The following TRUB1 variants were observed in gnomAD, a reference collection of about 807,000 sequenced individuals.
The protein encoded by TRUB1 is pseudouridylate synthase TRUB1.
A neutral mutation model predicts 33.9 loss-of-function variants in TRUB1; 23 were observed. The ratio of observed to expected loss-of-function variants is 0.68; its 90% CI spans 0.49 to 0.96. The LOEUF (loss-of-function observed/expected upper bound fraction) is 0.96. Ranked by LOEUF, TRUB1 falls within the 40% of genes least tolerant of loss-of-function variation. The probability of loss-of-function intolerance (pLI) is 0.00; values close to 1 mark genes in which losing one functional copy is unlikely to be tolerated. For missense variants in TRUB1, 378 were observed against 422.2 expected (o/e 0.90, Z 0.92); for synonymous variants, 163 against 165.4 (o/e 0.99, Z 0.11).
intron 1 of TRUB1, among the ~76,000 whole-genome samples, chr10:114,942,064 G>A (rs1238691690): frequency 6.6e-6 from 1 of 152,150 alleles, no homozygotes; most frequent in Non-Finnish European, 1.5e-5. Flanking sequence ...GATTACAGGT[G>A]TGAGCCACAG....
At chr10:114,939,498 T>A (rs552208567) in intron 1 of TRUB1, among the ~76,000 whole-genome samples, 2 of 152,276 alleles carry the variant, frequency 1.3e-5, no homozygotes, top group East Asian at 3.9e-4. Context: ...ACAGGGACTT[T>A]CTTACATTGT....
At chr10:114,964,681 C>T (rs1372106865) in intron 4 of TRUB1, among the ~76,000 whole-genome samples, 2 of 152,100 alleles carry the variant, frequency 1.3e-5, no homozygotes, top group African/African-American at 4.8e-5. Context: ...CTCTGCAATC[C>T]ACCTTTTCTT....
intron 2 of TRUB1, among the ~76,000 whole-genome samples, chr10:114,948,901 T>C (rs1433283239): frequency 1.3e-5 from 2 of 152,218 alleles, no homozygotes; most frequent in Non-Finnish European, 2.9e-5. Flanking sequence ...TATTTTCTTT[T>C]TTAGAACATG....
intron 2 of TRUB1, among the ~76,000 whole-genome samples, chr10:114,949,831 A>G (rs937331051): frequency 6.6e-6 from 1 of 151,938 alleles, no homozygotes; most frequent in Non-Finnish European, 1.5e-5. Flanking sequence ...ATGCTGGACA[A>G]AGTTCTTAGT....
intron 2 of TRUB1, 131 bp from the exon 3 acceptor site, chr10:114,950,963 A>G (rs1020101380): frequency 1.6e-5 from 11 of 669,088 alleles, no homozygotes; most frequent in Non-Finnish European, 2.5e-5. Flanking sequence ...GAGCCCTAAC[A>G]TTTTGCTAAA....
intron 3 of TRUB1, among the ~76,000 whole-genome samples, 193 bp from the exon 4 acceptor site, chr10:114,959,533 C>T (rs1196336819): frequency 1.3e-5 from 2 of 152,178 alleles, no homozygotes; most frequent in Non-Finnish European, 2.9e-5. Context: ...TAGTGTGAGA[C>T]GTTTGTTAAT....
At chr10:114,940,685 A>G (rs1010812317) in intron 1 of TRUB1, among the ~76,000 whole-genome samples, 7 of 152,224 alleles carry the variant, frequency 4.6e-5, no homozygotes, top group African/African-American at 1.7e-4. Context: ...TACGTCTGCA[A>G]GTTAGAAGGA....
chr10:114,959,861 G>T, intron 4 of TRUB1, 54 bp downstream of exon 4: 1 of 1,080,406 alleles, frequency 9.3e-7, no homozygotes, highest in East Asian at 2.4e-5. Context: ...AAAAGTTTCT[G>T]TGCAGGTAGC....
In TRUB1 at chr10:114,951,835, A is replaced by ACTAAG. The variant is rs2084236874; in HGVS notation, c.441+686_441+687insCTAAG. 2.0e-5 allele frequency among the ~76,000 whole-genome samples: 3 copies of ACTAAG among 152,214 alleles called. No individual in the cohort carries two copies. In the East Asian group the frequency reaches 5.8e-4, roughly 29 times the overall value. On this transcript the variant is annotated intron_variant, in intron 3 of 7. Transcript: ENST00000298746. The stretch of plus-strand genomic sequence containing the variant: ...TGAAAATGCACGTGGAAGGAAGCTT[A>ACTAAG]GTATGCCAAGAGGTAGCGAAAAATT...
At chr10:114,942,861 C>T in intron 2 of TRUB1, 118 bp downstream of exon 2, 1 of 689,258 alleles carries the variant, frequency 1.5e-6, no homozygotes, top group East Asian at 2.7e-5. Flanking sequence ...TGGAATGTTT[C>T]AGATCTACTG....
At position 114,959,770 on chromosome 10, in the gene TRUB1, A is replaced by G; in HGVS notation, c.486A>G (p.Leu162=). Residue 162 remains leucine, a synonymous_variant, in exon 4 of 8, where the codon CTA becomes CTG. Transcript: ENST00000298746. ...IGELGKATDT[L]DSTGRVTEEK... The stretch of plus-strand genomic sequence containing the variant: ...AACTGGGGAAAGCTACTGATACACT[A>G]GATTCTACGGGGAGGGTAACAGAAG... 1 of 1,609,542 alleles carries G rather than the reference A, an allele frequency of 6.2e-7. No homozygotes were observed. Among genetic ancestry groups the G allele is most frequent in the Non-Finnish European group, 8.5e-7 (1 of 1,175,948 alleles).
chr10:114,953,092 G>A (rs915928362), intron 3 of TRUB1, among the ~76,000 whole-genome samples: 1 of 152,028 alleles, frequency 6.6e-6, no homozygotes, highest in Non-Finnish European at 1.5e-5. Context: ...CACAAACACA[G>A]CACACTATAT....
At chr10:114,967,148 T>C (rs1366273022) in intron 4 of TRUB1, among the ~76,000 whole-genome samples, 8 of 152,206 alleles carry the variant, frequency 5.3e-5, no homozygotes, top group Admixed American at 2.0e-4. Context: ...AAATTCCAGC[T>C]GCCACTACTT....
At chr10:114,963,657 G>GATGGTTTTAAAACTAAGGC (rs1448280525) in intron 4 of TRUB1, among the ~76,000 whole-genome samples, 1 of 152,184 alleles carries the variant, frequency 6.6e-6, no homozygotes, top group Non-Finnish European at 1.5e-5. Flanking sequence ...ATGCTATGGA[G>GATGGTTTTAAAACTAAGGC]ATGGTTTTAA....
At chr10:114,945,576 T>C (rs187244914) in intron 2 of TRUB1, among the ~76,000 whole-genome samples, 24 of 152,372 alleles carry the variant, frequency 1.6e-4, no homozygotes, top group African/African-American at 5.5e-4. Flanking sequence ...AAGGCTAGCT[T>C]GTCCAACCTT....
At chr10:114,966,892 G>A (rs960227102) in intron 4 of TRUB1, among the ~76,000 whole-genome samples, 3 of 152,048 alleles carry the variant, frequency 2.0e-5, no homozygotes, top group African/African-American at 7.2e-5. Context: ...TTTTTTCCAG[G>A]TCTAGATTAG....
At chr10:114,974,550 C>T (rs1232634154) in intron 7 of TRUB1, among the ~76,000 whole-genome samples, 165 bp downstream of exon 7, 2 of 152,090 alleles carry the variant, frequency 1.3e-5, no homozygotes, top group African/African-American at 4.8e-5. Context: ...TTGCAATTAT[C>T]AGCCTCAGCA....
Position 114,963,852 on chromosome 10 carries a change from T to A in TRUB1, c.523+4045T>A, listed in dbSNP as rs141034072. Among the ~76,000 whole-genome samples, 53 of 152,320 alleles carry A rather than the reference T, an allele frequency of 3.5e-4. 1 individual carries two copies. The highest frequency in any genetic ancestry group is 1.2e-3 in the African/African-American group (48 of 41,572). On this transcript the variant is annotated intron_variant, in intron 4 of 7. Transcript: ENST00000298746. ...CTGTGTGAATATACTACACACATAC[T>A]CTCCCAGTTTGGGGCTTTGTGAATA...
chr10:114,974,876 G>A (rs1028900866), intron 7 of TRUB1, among the ~76,000 whole-genome samples: 1 of 152,086 alleles, frequency 6.6e-6, no homozygotes, highest in Non-Finnish European at 1.5e-5. Context: ...GGCTGCATGA[G>A]TTAAATAACA....
Sources: gnomAD v4.1 joint callset for allele counts (sites outside exome capture counted in the v4.1 genomes callset) on GRCh38, gnomAD v4.1.1 for gene constraint, MANE v1.5 for transcripts, NCBI Gene and HGNC (gene_info 2026-07-23, HGNC 2026-07-21) for gene names.